Variants in CMIP observed in about 807,000 individuals in gnomAD.
CMIP encodes c-Maf inducing protein.
Under a neutral mutation model 97.3 loss-of-function variants are expected in CMIP, and 13 were observed. The observed-to-expected ratio is 0.13, with a 90% CI of 0.09 to 0.21. The LOEUF is 0.21. Ranked by LOEUF, CMIP falls within the 10% of genes least tolerant of loss-of-function variation. The pLI, the probability that CMIP is intolerant of heterozygous loss-of-function variation, is 1.00. For synonymous variants in CMIP, 538 were observed against 436.3 expected (o/e 1.23, Z -2.91); for missense variants, 847 against 1,024.9 (o/e 0.83, Z 2.37).
intron 6 of CMIP, among the ~76,000 whole-genome samples, chr16:81,661,493 GT>G (rs1200654917): frequency 6.6e-6 from 1 of 152,202 alleles, no homozygotes; most frequent in South Asian, 2.1e-4. Context: ...TTGCTGTGTG[GT>G]TTTTTTAGTG....
chr16:81,500,297 T>TCCTTCCTTCCTTCCTTCCTTCCTG (rs2089578267), intron 1 of CMIP, among the ~76,000 whole-genome samples: 2 of 134,284 alleles, frequency 1.5e-5, no homozygotes, highest in Non-Finnish European at 3.1e-5. Context: ...CTTCCTTCCT[T>TCCTTCCTTCCTTCCTTCCTTCCTG]CCTTCCTGCC....
intron 3 of CMIP, among the ~76,000 whole-genome samples, chr16:81,629,838 C>T (rs1470817603): frequency 6.6e-6 from 1 of 152,226 alleles, no homozygotes; most frequent in African/African-American, 2.4e-5. Flanking sequence ...TGTGGTTGCC[C>T]TTCGGGTCGT....
chr16:81,513,309 G>A (rs1224804247), intron 1 of CMIP, among the ~76,000 whole-genome samples: 4 of 152,226 alleles, frequency 2.6e-5, no homozygotes, highest in African/African-American at 9.6e-5. Context: ...TTTCTCTTGG[G>A]CCTGGTTGCC....
At chr16:81,469,614 C>T (rs2927300) in intron 1 of CMIP, among the ~76,000 whole-genome samples, 24,933 of 152,180 alleles carry the variant, frequency 0.16, 3,117 homozygotes, top group African/African-American at 0.36. Flanking sequence ...GGGCAGGTGA[C>T]GTCAGGCTTT....
At chr16:81,682,355 G>A (rs905743291) in intron 10 of CMIP, among the ~76,000 whole-genome samples, 1 of 152,048 alleles carries the variant, frequency 6.6e-6, no homozygotes, top group Non-Finnish European at 1.5e-5. Context: ...ACCTGAGGTC[G>A]GGAGTTCGAG....
At chr16:81,511,154 C>G (rs1352447254) in intron 1 of CMIP, among the ~76,000 whole-genome samples, 4 of 152,220 alleles carry the variant, frequency 2.6e-5, no homozygotes, top group African/African-American at 9.7e-5. Context: ...ATGCTTCCCT[C>G]TCTCCCAGCC....
At chr16:81,502,914 G>C (rs566430893) in intron 1 of CMIP, among the ~76,000 whole-genome samples, 2 of 152,306 alleles carry the variant, frequency 1.3e-5, no homozygotes, top group Middle Eastern at 3.4e-3. Flanking sequence ...TGCAATGCCG[G>C]GTAATCACTT....
intron 1 of CMIP, among the ~76,000 whole-genome samples, chr16:81,558,654 C>T (rs538358225): frequency 1.0e-3 from 154 of 152,222 alleles, no homozygotes; most frequent in African/African-American, 3.4e-3. Context: ...AGGAGGCAGG[C>T]CAGCCAGGCA....
intron 3 of CMIP, among the ~76,000 whole-genome samples, chr16:81,648,477 C>T (rs4076260): frequency 0.048 from 7,279 of 152,126 alleles, 362 homozygotes; most frequent in East Asian, 0.2. Flanking sequence ...CCTGGGCACA[C>T]GGCAGTCAGA....
rs988062816 is a variant in CMIP, at chr16:81,681,304, G to A, written c.1388+2676G>A. On this transcript the variant is annotated intron_variant, in intron 10 of 20. Coordinates refer to ENST00000537098, the MANE Select transcript of CMIP (RefSeq NM_198390.3). ...CTGGCTCATTGGAGGCTTCAAACTG[G>A]TTGGACCCAAACAACCCCAGCCGCT... Among the ~76,000 whole-genome samples, 11 of 152,350 alleles carry A rather than the reference G, an allele frequency of 7.2e-5. No homozygotes were observed. In the South Asian group the frequency reaches 1.0e-3, roughly 14 times the overall value.
intron 1 of CMIP, among the ~76,000 whole-genome samples, chr16:81,544,751 T>G (rs2150844837): frequency 6.6e-6 from 1 of 151,698 alleles, no homozygotes; most frequent in South Asian, 2.1e-4. Context: ...GTGCGTGTAT[T>G]TGTGTATGTG....
intron 1 of CMIP, among the ~76,000 whole-genome samples, chr16:81,597,896 C>G (rs536803790): frequency 6.6e-6 from 1 of 151,968 alleles, no homozygotes; most frequent in Admixed American, 6.6e-5. Context: ...GAGCCGTGTC[C>G]CTCTCCATCA....
chr16:81,664,596 A>C (rs1273169500), intron 7 of CMIP: 1 of 586,054 alleles, frequency 1.7e-6, no homozygotes, highest in African/African-American at 1.9e-5. Context: ...CTGGAGGAGA[A>C]GAGGAAAGCC....
chr16:81,579,520 C>T (rs1057195998), intron 1 of CMIP, among the ~76,000 whole-genome samples: 9 of 152,178 alleles, frequency 5.9e-5, no homozygotes, highest in Non-Finnish European at 1.2e-4. Context: ...CAGGCCCTTT[C>T]TTGGTTGTCT....
intron 1 of CMIP, among the ~76,000 whole-genome samples, chr16:81,548,721 C>T (rs529749388): frequency 1.3e-5 from 2 of 152,018 alleles, no homozygotes; most frequent in African/African-American, 2.4e-5. Flanking sequence ...TGGTGTGTGC[C>T]TGTAGTCTTA....
At chr16:81,481,419 C>T (rs1046267034) in intron 1 of CMIP, among the ~76,000 whole-genome samples, 2 of 152,224 alleles carry the variant, frequency 1.3e-5, no homozygotes, top group African/African-American at 4.8e-5. Context: ...CCCAACGTTA[C>T]ACAGCTTGTG....
chr16:81,696,892 T>A (rs1906791642), intron 14 of CMIP: 1 of 582,732 alleles, frequency 1.7e-6, no homozygotes, highest in African/African-American at 1.9e-5. Context: ...GCTTTCCCAG[T>A]TGCACTCAGC....
intron 2 of CMIP, chr16:81,620,033 A>G (rs1341458365): frequency 6.6e-6 from 1 of 152,206 alleles, no homozygotes; most frequent in Non-Finnish European, 1.5e-5. Flanking sequence ...TAACAATAAT[A>G]ATAACGATGG....
intron 1 of CMIP, chr16:81,495,342 A>G (rs2089469468): frequency 1.4e-6 from 2 of 1,473,492 alleles, no homozygotes; most frequent in African/African-American, 1.4e-5. Flanking sequence ...GAGCCAGGCG[A>G]CCCACAGGCT....
Sources: gnomAD v4.1 joint callset for allele counts (sites outside exome capture counted in the v4.1 genomes callset) on GRCh38, gnomAD v4.1.1 for gene constraint, MANE v1.5 for transcripts, NCBI Gene and HGNC (gene_info 2026-07-23, HGNC 2026-07-21) for gene names.